GALNT13: variants seen among roughly 807,000 people sequenced by gnomAD.
The protein encoded by GALNT13 is UDP-GalNAc:polypeptide N-acetylgalactosaminyltransferase 13.
Under a neutral mutation model 64.2 loss-of-function variants are expected in GALNT13, and 28 were observed. The ratio of observed to expected loss-of-function variants is 0.44; its 90% CI spans 0.32 to 0.60. The LOEUF is 0.60. Ranked by LOEUF, GALNT13 falls within the 20% of genes least tolerant of loss-of-function variation. The pLI is 0.05. For synonymous variants in GALNT13, 214 were observed against 224.6 expected, an observed-to-expected ratio of 0.95 and a Z score of 0.42; for missense variants, 577 against 669.8, an observed-to-expected ratio of 0.86 and a Z score of 1.53.
chr2:153,873,572 A>C (rs1686143732), intron 1 of GALNT13, among the ~76,000 whole-genome samples: 2 of 152,188 alleles, frequency 1.3e-5, no homozygotes, highest in African/African-American at 4.8e-5. Flanking sequence ...AGGTGTTGCT[A>C]GCAGAGGAGA....
the GALNT13 span, among the ~76,000 whole-genome samples, chr2:153,489,980 TACACAC>T: frequency 0.014 from 2,060 of 147,956 alleles, 46 homozygotes; most frequent in African/African-American, 0.047. Context: ...GGCCCTGTTT[TACACAC>T]ACACACACAC....
chr2:153,664,045 G>C, the GALNT13 span, among the ~76,000 whole-genome samples: 1 of 152,122 alleles, frequency 6.6e-6, no homozygotes, highest in African/African-American at 2.4e-5. Context: ...TTACTGATGA[G>C]GTTCCATGTC....
the GALNT13 span, among the ~76,000 whole-genome samples, chr2:153,774,953 G>C: frequency 1.3e-5 from 2 of 152,100 alleles, no homozygotes; most frequent in Non-Finnish European, 2.9e-5. Flanking sequence ...TTGTACTTCT[G>C]ATCAAATACT....
At chr2:153,725,486 A>G in the GALNT13 span, among the ~76,000 whole-genome samples, 2 of 123,420 alleles carry the variant, frequency 1.6e-5, no homozygotes, top group African/African-American at 6.8e-5. Context: ...TAGTAATAAT[A>G]AAAAAAAAGA....
chr2:153,765,476 T>C, the GALNT13 span, among the ~76,000 whole-genome samples: 11 of 152,328 alleles, frequency 7.2e-5, no homozygotes, highest in African/African-American at 2.4e-4. Context: ...GAAACATGTG[T>C]AATTACCCAA....
At chr2:154,049,751 G>T (rs1699483134) in intron 3 of GALNT13, among the ~76,000 whole-genome samples, 1 of 151,794 alleles carries the variant, frequency 6.6e-6, no homozygotes, top group Non-Finnish European at 1.5e-5. Context: ...TACTGGCAAG[G>T]TGACAAGCTG....
intron 11 of GALNT13, among the ~76,000 whole-genome samples, chr2:154,409,494 A>G (rs1376025857): frequency 1.3e-5 from 2 of 151,952 alleles, no homozygotes; most frequent in Non-Finnish European, 2.9e-5. Flanking sequence ...GAGCTTTTGA[A>G]GTTTAATAAA....
chr2:154,087,633 C>G (rs1558950442), intron 3 of GALNT13, among the ~76,000 whole-genome samples: 1 of 152,064 alleles, frequency 6.6e-6, no homozygotes, highest in Non-Finnish European at 1.5e-5. Flanking sequence ...TATATCTGCT[C>G]ATGTGTCCCC....
the GALNT13 span, among the ~76,000 whole-genome samples, chr2:153,162,782 T>G: frequency 6.6e-6 from 1 of 152,206 alleles, no homozygotes; most frequent in Non-Finnish European, 1.5e-5. Flanking sequence ...GAATATAAGT[T>G]GATCAGTTCT....
At chr2:153,776,984 G>T in the GALNT13 span, among the ~76,000 whole-genome samples, 1 of 152,234 alleles carries the variant, frequency 6.6e-6, no homozygotes, top group South Asian at 2.1e-4. Context: ...GTCTTTTAAG[G>T]CTCGTTCTGG....
At chr2:153,673,143 G>C in the GALNT13 span, among the ~76,000 whole-genome samples, 6 of 152,146 alleles carry the variant, frequency 3.9e-5, no homozygotes, top group Non-Finnish European at 7.3e-5. Flanking sequence ...AGATGAGCTG[G>C]TACCATTCCT....
At chr2:154,025,487 A>C (rs1697888430) in intron 3 of GALNT13, among the ~76,000 whole-genome samples, 1 of 152,184 alleles carries the variant, frequency 6.6e-6, no homozygotes, top group Non-Finnish European at 1.5e-5. Flanking sequence ...GCTAATCAAC[A>C]GTATGTACAG....
chr2:153,130,258 C>T, the GALNT13 span, among the ~76,000 whole-genome samples: 2 of 152,124 alleles, frequency 1.3e-5, no homozygotes, highest in Non-Finnish European at 1.5e-5. Context: ...CCTTGAAAAC[C>T]TAGGCAAGAT....
At chr2:153,525,792 A>G in the GALNT13 span, among the ~76,000 whole-genome samples, 2 of 152,072 alleles carry the variant, frequency 1.3e-5, no homozygotes, top group African/African-American at 4.8e-5. Flanking sequence ...GCATTTCTGG[A>G]CCTGCCCTGG....
At chr2:154,016,148 C>G (rs1350690592) in intron 3 of GALNT13, among the ~76,000 whole-genome samples, 1 of 152,158 alleles carries the variant, frequency 6.6e-6, no homozygotes, top group Non-Finnish European at 1.5e-5. Flanking sequence ...TGGAGCGAAG[C>G]ATTTAATACC....
At chr2:154,280,130 A>T (rs1381686170) in intron 8 of GALNT13, among the ~76,000 whole-genome samples, 1 of 152,212 alleles carries the variant, frequency 6.6e-6, no homozygotes, top group African/African-American at 2.4e-5. Flanking sequence ...GGAGAAAGGC[A>T]TCCTGTCTAT....
the GALNT13 span, among the ~76,000 whole-genome samples, chr2:153,767,886 C>G: frequency 6.6e-6 from 1 of 151,464 alleles, no homozygotes; most frequent in Non-Finnish European, 1.5e-5. Flanking sequence ...AATATTTTCT[C>G]TGATTATTTA....
chr2:153,903,726 G>A (rs1036141750), intron 2 of GALNT13, among the ~76,000 whole-genome samples: 1 of 151,848 alleles, frequency 6.6e-6, no homozygotes, highest in Non-Finnish European at 1.5e-5. Flanking sequence ...TTTATCTCAG[G>A]TAACAGTTTT....
At chr2:153,272,655 A>C in the GALNT13 span, among the ~76,000 whole-genome samples, 1 of 152,206 alleles carries the variant, frequency 6.6e-6, no homozygotes, top group Non-Finnish European at 1.5e-5. Context: ...AAGCTTTTAC[A>C]CTGTGGGTGG....
Sources: allele counts gnomAD v4.1 joint callset (sites outside exome capture counted in the v4.1 genomes callset), GRCh38; gene constraint gnomAD v4.1.1; transcripts MANE v1.5; gene names NCBI Gene and HGNC (gene_info 2026-07-23, HGNC 2026-07-21).